Variants in TBC1D12 observed in about 807,000 individuals in gnomAD.
TBC1D12 encodes the protein TBC1 domain family, member 12.
In TBC1D12, 56 loss-of-function variants were observed where a neutral mutation model predicts 86.7. The ratio of observed to expected loss-of-function variants is 0.65; its 90% CI spans 0.52 to 0.81. The LOEUF is 0.81. TBC1D12 is among the 30% of genes least tolerant of loss of function. TBC1D12 has a pLI of 0.00. For synonymous variants in TBC1D12, 421 were observed against 411.7 expected (o/e 1.02, Z -0.27); for missense variants, 1,023 against 1,038.8 (o/e 0.98, Z 0.21).
intron 1 of TBC1D12, among the ~76,000 whole-genome samples, chr10:94,421,351 G>A (rs1316468632): frequency 6.6e-6 from 1 of 152,160 alleles, no homozygotes; most frequent in African/African-American, 2.4e-5. Flanking sequence ...TGTCACAAAT[G>A]ACAGAATTTC....
rs1236824255 is a variant in TBC1D12 at position 94,536,199 on chromosome 10, A to T, written c.*3103A>T. On this transcript the variant is annotated 3_prime_UTR_variant, in exon 13 of 13. Coordinates refer to ENST00000225235, the MANE Select transcript of TBC1D12 (RefSeq NM_015188.2). ...TTGTTGTTACAGTATATTTTCAATT[A>T]AAAAAAAACTTTTCCTAAAATACTC... Among the ~76,000 whole-genome samples, 1 of 151,476 alleles carries T rather than the reference A, an allele frequency of 6.6e-6. No individual in the cohort carries two copies. The highest frequency in any genetic ancestry group is 1.5e-5 in the Non-Finnish European group (1 of 67,834).
chr10:94,462,022 T>A (rs77057468), intron 2 of TBC1D12, among the ~76,000 whole-genome samples: 1,823 of 152,292 alleles, frequency 0.012, 55 homozygotes, highest in African/African-American at 0.042. Flanking sequence ...GTGTACAGGC[T>A]GGAGTGGAAA....
chr10:94,406,054 A>G (rs950597887), intron 1 of TBC1D12, among the ~76,000 whole-genome samples: 4 of 151,748 alleles, frequency 2.6e-5, no homozygotes, highest in African/African-American at 9.7e-5. Flanking sequence ...CAGGTGATCC[A>G]CCCGCCTCAG....
chr10:94,468,949 T>G (rs897815451), intron 2 of TBC1D12, among the ~76,000 whole-genome samples: 1 of 152,186 alleles, frequency 6.6e-6, no homozygotes, highest in Non-Finnish European at 1.5e-5. Flanking sequence ...ACGTGAATAT[T>G]TTACTGGGTG....
chr10:94,442,659 A>C (rs1459615347), intron 2 of TBC1D12, among the ~76,000 whole-genome samples: 5 of 152,308 alleles, frequency 3.3e-5, no homozygotes, highest in Non-Finnish European at 1.5e-5. Flanking sequence ...AAGCAGTGAG[A>C]CTGGATCAAT....
At chr10:94,469,574 C>G (rs2055874021) in intron 2 of TBC1D12, among the ~76,000 whole-genome samples, 1 of 151,398 alleles carries the variant, frequency 6.6e-6, no homozygotes, top group South Asian at 2.1e-4. Context: ...CTCAACCTCC[C>G]AAGTACCTGG....
chr10:94,455,496 C>T (rs1188785386), intron 2 of TBC1D12, among the ~76,000 whole-genome samples: 2 of 152,148 alleles, frequency 1.3e-5, no homozygotes, highest in South Asian at 4.1e-4. Flanking sequence ...TGGTAGAATT[C>T]ATCAGTGAAC....
intron 2 of TBC1D12, among the ~76,000 whole-genome samples, chr10:94,446,368 A>C (rs2055462287): frequency 6.6e-6 from 1 of 152,214 alleles, no homozygotes. Flanking sequence ...TTAAGGCTTT[A>C]GGAAATGAAG....
At chr10:94,407,476 G>A (rs1208615314) in intron 1 of TBC1D12, among the ~76,000 whole-genome samples, 3 of 152,230 alleles carry the variant, frequency 2.0e-5, no homozygotes, top group Non-Finnish European at 4.4e-5. Context: ...GAGGTCAAGA[G>A]TTCGAGACCA....
chr10:94,517,853 T>C (rs954841718), intron 9 of TBC1D12, among the ~76,000 whole-genome samples: 2 of 152,176 alleles, frequency 1.3e-5, no homozygotes, highest in Non-Finnish European at 2.9e-5. Context: ...TCAGTTATAC[T>C]TATTTAAAAG....
intron 6 of TBC1D12, among the ~76,000 whole-genome samples, chr10:94,506,944 G>C (rs1052376657): frequency 2.0e-5 from 3 of 152,156 alleles, no homozygotes; most frequent in Non-Finnish European, 4.4e-5. Context: ...AAATGGCAGA[G>C]CCAGAATTTG....
Position 94,510,168 on chromosome 10 carries a change from A to G in TBC1D12, c.1678A>G (p.Ile560Val), listed in dbSNP as rs376682556. ...DISRTFPSLY[I>V]FQKGGPYHDV... ...ATCCCGTACATTTCCATCTCTCTAC[A>G]TCTTTCAGAAGGTGAGGGTTTCTAA... is the stretch of plus-strand genomic sequence containing the variant. Residue 560 changes from isoleucine to valine, a missense_variant, in exon 8 of 13, where the codon ATC becomes GTC. By Grantham distance (29) the Ile-to-Val change is conservative. Coordinates refer to ENST00000225235, the MANE Select transcript of TBC1D12 (RefSeq NM_015188.2). 29 of 1,593,136 alleles carry G rather than the reference A, an allele frequency of 1.8e-5. No individual in the cohort carries two copies. Among genetic ancestry groups the G allele is most frequent in the Non-Finnish European group, 2.1e-5 (25 of 1,174,248 alleles).
At chr10:94,525,659 CAA>C (rs11432778) in intron 11 of TBC1D12, among the ~76,000 whole-genome samples, 10 of 61,272 alleles carry the variant, frequency 1.6e-4, no homozygotes, top group Non-Finnish European at 2.7e-4. Flanking sequence ...GACTCCGTCT[CAA>C]AAAAAAAAAA....
chr10:94,527,244 C>A (rs535966134), intron 11 of TBC1D12, among the ~76,000 whole-genome samples: 1 of 152,148 alleles, frequency 6.6e-6, no homozygotes, highest in African/African-American at 2.4e-5. Context: ...AGGTGTGCAC[C>A]AGACCTGGCT....
In TBC1D12 at chr10:94,464,010, C is replaced by A. The variant is rs527774096; in HGVS notation, c.1096-10658C>A. ...GGTCCCTGTGTCATCAATGATATGT[C>A]CTTTTTGCTTTGGTAAGATTTCCTT... On this transcript the variant is annotated intron_variant, in intron 2 of 12. Coordinates refer to ENST00000225235, the MANE Select transcript of TBC1D12 (RefSeq NM_015188.2). 2.0e-5 allele frequency among the ~76,000 whole-genome samples: 3 copies of A among 152,054 alleles called. No homozygotes were observed. In the South Asian group the frequency reaches 6.3e-4, roughly 32 times the overall value.
rs1842418816 is a variant in TBC1D12 at position 94,531,560 on chromosome 10, C to G, written c.2259+100C>G. On this transcript the variant is annotated intron_variant, in intron 12 of 12. Coordinates refer to ENST00000225235, the MANE Select transcript of TBC1D12 (RefSeq NM_015188.2). ...TAAAAGTTAGTACTTAAAAATATGT[C>G]TTTTAAAAATAATTTTTGACTTCTA... 3 of 1,257,926 alleles carry G rather than the reference C, an allele frequency of 2.4e-6. No homozygotes were observed. In the East Asian group the frequency reaches 8.3e-5, roughly 35 times the overall value. The allele number at this position is 1,257,926 out of a possible 1,614,324, so 77.9% of individuals were successfully genotyped here.
chr10:94,436,073 G>A (rs2055291272), intron 1 of TBC1D12, among the ~76,000 whole-genome samples: 1 of 151,530 alleles, frequency 6.6e-6, no homozygotes, highest in Non-Finnish European at 1.5e-5. Context: ...TGGTAAATTT[G>A]GATATCTGTT....
intron 2 of TBC1D12, among the ~76,000 whole-genome samples, chr10:94,464,276 A>G (rs2134126925): frequency 6.6e-6 from 1 of 151,924 alleles, no homozygotes; most frequent in South Asian, 2.1e-4. Flanking sequence ...CCATCTTGCT[A>G]TTTCTTTTCA....
At chr10:94,417,146 A>G (rs1378672674) in intron 1 of TBC1D12, among the ~76,000 whole-genome samples, 1 of 152,228 alleles carries the variant, frequency 6.6e-6, no homozygotes, top group Non-Finnish European at 1.5e-5. Context: ...GCGGTGTGGC[A>G]GATGATTTGC....
Sources: allele counts gnomAD v4.1 joint callset (sites outside exome capture counted in the v4.1 genomes callset), GRCh38; gene constraint gnomAD v4.1.1; transcripts MANE v1.5; gene names NCBI Gene and HGNC (gene_info 2026-07-23, HGNC 2026-07-21).